The following ZBTB43 variants were observed in gnomAD, a reference collection of about 807,000 sequenced individuals.
ZBTB43 encodes zinc finger and BTB domain-containing protein 43.
In ZBTB43, 6 loss-of-function variants were observed where a neutral mutation model predicts 31.1. The ratio of observed to expected loss-of-function variants is 0.19; its 90% CI spans 0.11 to 0.38. ZBTB43 has a LOEUF of 0.38. Among genes scored for constraint, ZBTB43 ranks in the 10% least tolerant of loss-of-function variants. The probability of loss-of-function intolerance (pLI) is 1.00; values close to 1 mark genes in which losing one functional copy is unlikely to be tolerated. For synonymous variants in ZBTB43, 212 were observed against 221.7 expected (o/e 0.96, Z 0.39); for missense variants, 379 against 602.1 (o/e 0.63, Z 3.88).
intron 2 of ZBTB43, among the ~76,000 whole-genome samples, chr9:126,815,682 C>T: frequency 6.8e-6 from 1 of 147,788 alleles, no homozygotes; most frequent in South Asian, 2.1e-4. Flanking sequence ...CAATAGTTTC[C>T]CTGTCTGTAC....
chr9:126,827,115 G>C (rs773313835), intron 2 of ZBTB43, among the ~76,000 whole-genome samples: 3 of 152,134 alleles, frequency 2.0e-5, no homozygotes, highest in Non-Finnish European at 4.4e-5. Context: ...TTCCTATTTT[G>C]TAAAGTCTGT....
chr9:126,819,183 C>A (rs1419348974), intron 2 of ZBTB43, among the ~76,000 whole-genome samples: 3 of 151,344 alleles, frequency 2.0e-5, no homozygotes, highest in Non-Finnish European at 4.4e-5. Flanking sequence ...CGTTTATGGT[C>A]TAACACATGA....
chr9:126,810,781 G>C (rs1355478769), intron 2 of ZBTB43, among the ~76,000 whole-genome samples: 1 of 151,798 alleles, frequency 6.6e-6, no homozygotes, highest in Admixed American at 6.6e-5. Flanking sequence ...GGGATTACAG[G>C]AGTGAGCCAC....
chr9:126,818,717 A>T (rs1475811995), intron 2 of ZBTB43, among the ~76,000 whole-genome samples: 1 of 152,198 alleles, frequency 6.6e-6, no homozygotes, highest in East Asian at 1.9e-4. Flanking sequence ...AAGAGATCCC[A>T]CTTGCTGGTG....
At chr9:126,818,882 T>G (rs964900591) in intron 2 of ZBTB43, among the ~76,000 whole-genome samples, 1 of 152,162 alleles carries the variant, frequency 6.6e-6, no homozygotes, top group African/African-American at 2.4e-5. Context: ...ATAGAATGAG[T>G]TAGGAAGTGG....
At chr9:126,823,525 G>A (rs1456935111) in intron 2 of ZBTB43, among the ~76,000 whole-genome samples, 1 of 152,094 alleles carries the variant, frequency 6.6e-6, no homozygotes, top group Non-Finnish European at 1.5e-5. Context: ...GCTCACCTCG[G>A]CAGCACATAC....
intron 2 of ZBTB43, among the ~76,000 whole-genome samples, chr9:126,828,648 A>ATTATTATT (rs1554742722): frequency 0.011 from 1,489 of 133,626 alleles, 38 homozygotes; most frequent in African/African-American, 0.039. Context: ...TAATAATAAT[A>ATTATTATT]ATAATAATTA....
At chr9:126,810,657 T>C (rs894479456) in intron 2 of ZBTB43, among the ~76,000 whole-genome samples, 14 of 151,744 alleles carry the variant, frequency 9.2e-5, no homozygotes, top group African/African-American at 3.4e-4. Context: ...TGGGCCACCA[T>C]GCACAGCTAA....
intron 1 of ZBTB43, among the ~76,000 whole-genome samples, chr9:126,807,001 A>C (rs912173293): frequency 3.3e-5 from 5 of 152,202 alleles, no homozygotes; most frequent in African/African-American, 1.2e-4. Context: ...TTTTATTATA[A>C]TGCAAAATTA....
At chr9:126,822,159 ATTTTTTTT>A (rs773251812) in intron 2 of ZBTB43, among the ~76,000 whole-genome samples, 1 of 117,942 alleles carries the variant, frequency 8.5e-6, no homozygotes, top group Non-Finnish European at 1.8e-5. Flanking sequence ...CTCGGCCGAG[ATTTTTTTT>A]TTTTTTTTTT....
chr9:126,830,925 C>G (rs1056689006), intron 2 of ZBTB43, among the ~76,000 whole-genome samples: 1 of 152,054 alleles, frequency 6.6e-6, no homozygotes, highest in East Asian at 1.9e-4. Flanking sequence ...GTCTTCTGAT[C>G]GACTCTGTTC....
At position 126,833,362 on chromosome 9, in the gene ZBTB43, T is replaced by C; in HGVS notation, c.853T>C (p.Ser285Pro). The C allele has an allele frequency of 6.2e-7, 1 of 1,613,230 alleles. No homozygotes were observed. The highest frequency in any genetic ancestry group is 8.5e-7 in the Non-Finnish European group (1 of 1,179,622). Residue 285 changes from serine to proline, a missense_variant, in exon 3 of 3, where the codon TCG (serine) becomes CCG (proline). Around this residue, in one of 5 missense-constraint regions of ZBTB43, gnomAD observed 253 missense variants for 322.3 expected, o/e 0.79. Transcript: ENST00000373464. The surrounding 1 kb of genome is among the most constrained non-coding windows in gnomAD (Gnocchi z 7.9). The part of the protein sequence containing the change: ...TVQTEHTVQP[S>P]GVEEDFHIGE... ...GCAGACAGAGCACACGGTGCAGCCT[T>C]CGGGAGTGGAGGAGGACTTCCACAT...
intron 2 of ZBTB43, chr9:126,832,266 A>G (rs2032780730): frequency 1.9e-6 from 1 of 524,698 alleles, no homozygotes; most frequent in Non-Finnish European, 3.4e-6. Flanking sequence ...ACCCACAGAC[A>G]CAGAACCAAA....
chr9:126,819,745 G>C (rs1001212452), intron 2 of ZBTB43, among the ~76,000 whole-genome samples: 4 of 152,150 alleles, frequency 2.6e-5, no homozygotes, highest in African/African-American at 9.7e-5. Flanking sequence ...AGTGAGGAAG[G>C]CATATCAAAA....
At chr9:126,810,581 A>T (rs1042227768) in intron 2 of ZBTB43, among the ~76,000 whole-genome samples, 1 of 136,052 alleles carries the variant, frequency 7.4e-6, no homozygotes, top group Admixed American at 8.1e-5. Context: ...GCTCACTGCG[A>T]CCTCTGCCTC....
chr9:126,812,206 A>C (rs2119114627), intron 2 of ZBTB43, among the ~76,000 whole-genome samples: 1 of 152,044 alleles, frequency 6.6e-6, no homozygotes, highest in Non-Finnish European at 1.5e-5. Flanking sequence ...ATTTAGCATA[A>C]CGTTTTCAAG....
chr9:126,828,399 G>A (rs1184057754), intron 2 of ZBTB43, among the ~76,000 whole-genome samples: 1 of 151,674 alleles, frequency 6.6e-6, no homozygotes, highest in South Asian at 2.1e-4. Context: ...TAGCCAGGAT[G>A]GTCTCGATCT....
rs77666429 is a variant in ZBTB43, at chr9:126,808,210, T to C, written c.-146-583T>C. On this transcript the variant is annotated intron_variant, in intron 1 of 2. Coordinates refer to ENST00000373464, the MANE Select transcript of ZBTB43 (RefSeq NM_014007.4). ...AATGGGGGGTTAGTTTCTAGAACGT[T>C]ACCTTCTCTTTTGAATCTCAGAGAG... Among the ~76,000 whole-genome samples the C allele has an allele frequency of 2.6e-3, 394 of 152,306 alleles. 1 individual carries two copies. The highest frequency in any genetic ancestry group is 9.1e-3 in the African/African-American group (377 of 41,576).
At chr9:126,823,524 G>A (rs748300911) in intron 2 of ZBTB43, among the ~76,000 whole-genome samples, 16 of 152,004 alleles carry the variant, frequency 1.1e-4, no homozygotes, top group African/African-American at 1.7e-4. Context: ...TGCTCACCTC[G>A]GCAGCACATA....
Sources: gnomAD v4.1 joint callset for allele counts (sites outside exome capture counted in the v4.1 genomes callset) on GRCh38, gnomAD v4.1.1 for gene constraint, gnomAD v4.1.1 regional missense constraint, Gnocchi (gnomAD v3.1) non-coding constraint, MANE v1.5 for transcripts, NCBI Gene and HGNC (gene_info 2026-07-23, HGNC 2026-07-21) for gene names.